SORD: variants seen among roughly 807,000 people sequenced by gnomAD.
SORD encodes (R,R)-butanediol dehydrogenase.
Under a neutral mutation model 35.6 loss-of-function variants are expected in SORD, and 18 were observed. The observed-to-expected ratio is 0.51, with a 90% CI of 0.35 to 0.75. The LOEUF (loss-of-function observed/expected upper bound fraction) is 0.75, where lower values mean the gene tolerates loss of function less well. Among genes scored for constraint, SORD ranks in the 30% least tolerant of loss-of-function variants. The pLI, the probability that SORD is intolerant of heterozygous loss-of-function variation, is 0.01. For missense variants in SORD, 250 were observed against 390.2 expected (o/e 0.64, Z 3.03); for synonymous variants, 106 against 152.9 (o/e 0.69, Z 2.26).
intron 1 of SORD, among the ~76,000 whole-genome samples, chr15:45,024,341 G>A (rs965093853): frequency 6.6e-6 from 1 of 152,180 alleles, no homozygotes; most frequent in African/African-American, 2.4e-5. Flanking sequence ...TTAAGAATCT[G>A]TGGTGTCCCC....
At chr15:45,060,639 A>G (rs1268036589) in intron 3 of SORD, among the ~76,000 whole-genome samples, 1 of 152,252 alleles carries the variant, frequency 6.6e-6, no homozygotes, top group Non-Finnish European at 1.5e-5. Flanking sequence ...AAACAGATGA[A>G]GAAAAAATGC....
intron 2 of SORD, among the ~76,000 whole-genome samples, chr15:45,040,679 C>T (rs148334067): frequency 0.011 from 1,711 of 152,220 alleles, 28 homozygotes; most frequent in African/African-American, 0.039. Flanking sequence ...GAAAAATTAC[C>T]GTACCAGACT....
intron 1 of SORD, among the ~76,000 whole-genome samples, chr15:45,029,694 T>C (rs1892740332): frequency 6.6e-6 from 1 of 152,278 alleles, no homozygotes; most frequent in Non-Finnish European, 1.5e-5. Context: ...TGGTGGGCCC[T>C]GAGCTCTTGT....
At chr15:45,033,739 G>A (rs1892818174) in intron 1 of SORD, among the ~76,000 whole-genome samples, 1 of 145,296 alleles carries the variant, frequency 6.9e-6, no homozygotes, top group South Asian at 2.3e-4. Flanking sequence ...TCCTTGTAAG[G>A]TGAGAACAGG....
At chr15:45,023,490 C>A (rs1892622411) in intron 1 of SORD, 141 bp downstream of exon 1, 1 of 679,934 alleles carries the variant, frequency 1.5e-6, no homozygotes, top group Admixed American at 4.1e-5. Flanking sequence ...CCAGCTGGTT[C>A]CCCTCGGGGT....
At chr15:45,024,902 C>T (rs1892646644) in intron 1 of SORD, among the ~76,000 whole-genome samples, 1 of 152,222 alleles carries the variant, frequency 6.6e-6, no homozygotes. Context: ...GGGAGGGGCC[C>T]TTGGCCCTCT....
chr15:45,056,688 G>T (rs1440245481), intron 3 of SORD, among the ~76,000 whole-genome samples: 2 of 152,172 alleles, frequency 1.3e-5, no homozygotes, highest in Non-Finnish European at 2.9e-5. Context: ...GGCCATTATG[G>T]GGATGTGGAA....
intron 1 of SORD, among the ~76,000 whole-genome samples, chr15:45,028,684 T>C (rs1031379345): frequency 2.7e-5 from 4 of 150,350 alleles, no homozygotes; most frequent in Non-Finnish European, 2.9e-5. Context: ...AGTTTAAACA[T>C]TACTCGGAGG....
chr15:45,070,874 C>G (rs142767969), intron 7 of SORD: 1 of 149,708 alleles, frequency 6.7e-6, no homozygotes, highest in East Asian at 1.9e-4. Context: ...CCACTGTTGA[C>G]GGTGGGGGCC....
intron 3 of SORD, among the ~76,000 whole-genome samples, chr15:45,057,971 C>T (rs1280721123): frequency 1.3e-5 from 2 of 152,180 alleles, no homozygotes; most frequent in African/African-American, 4.8e-5. Context: ...TGAATTCTCC[C>T]TGTTTCTAGG....
chr15:45,054,796 T>G (rs1566962076), intron 3 of SORD, among the ~76,000 whole-genome samples: 1 of 151,006 alleles, frequency 6.6e-6, no homozygotes, highest in Non-Finnish European at 1.5e-5. Context: ...GTTTAAGTCT[T>G]TAATCCATCT....
At chr15:45,051,531 C>T (rs953838028) in intron 3 of SORD, among the ~76,000 whole-genome samples, 13 of 152,282 alleles carry the variant, frequency 8.5e-5, no homozygotes, top group Admixed American at 5.2e-4. Context: ...AGTACAATTA[C>T]GGATTACTAT....
chr15:45,030,237 G>T (rs1159626532), intron 1 of SORD, among the ~76,000 whole-genome samples: 1 of 152,226 alleles, frequency 6.6e-6, no homozygotes, highest in Non-Finnish European at 1.5e-5. Context: ...AGGAGAAGAA[G>T]CAAGCAATAT....
At chr15:45,029,443 C>CAGCT (rs1177936336) in intron 1 of SORD, among the ~76,000 whole-genome samples, 1 of 151,554 alleles carries the variant, frequency 6.6e-6, no homozygotes, top group Non-Finnish European at 1.5e-5. Context: ...GTGCGGGATC[C>CAGCT]AGCCAGCTGC....
At chr15:45,051,522 G>T (rs1469448795) in intron 3 of SORD, among the ~76,000 whole-genome samples, 1 of 152,146 alleles carries the variant, frequency 6.6e-6, no homozygotes, top group Non-Finnish European at 1.5e-5. Flanking sequence ...ATATTATGAA[G>T]TACAATTACG....
chr15:45,030,823 ACAGGG>A (rs1892768729), intron 1 of SORD, among the ~76,000 whole-genome samples: 1 of 88,396 alleles, frequency 1.1e-5, no homozygotes, highest in East Asian at 5.3e-4. Flanking sequence ...CCTGGTGAGG[ACAGGG>A]GAGGCTTCTT....
intron 3 of SORD, among the ~76,000 whole-genome samples, chr15:45,056,936 T>C (rs1001061458): frequency 6.6e-6 from 1 of 152,234 alleles, no homozygotes; most frequent in African/African-American, 2.4e-5. Flanking sequence ...AATTATCCCA[T>C]GGATCCCACG....
chr15:45,026,132 A>T (rs1029072050), intron 1 of SORD, among the ~76,000 whole-genome samples: 6 of 152,214 alleles, frequency 3.9e-5, no homozygotes, highest in African/African-American at 1.4e-4. Context: ...CTTCTCAGGC[A>T]TGGTCTTCCA....
intron 7 of SORD, among the ~76,000 whole-genome samples, 172 bp downstream of exon 7, chr15:45,069,224 T>G (rs1893467447): frequency 7.8e-6 from 1 of 128,884 alleles, no homozygotes; most frequent in Non-Finnish European, 1.5e-5. Context: ...TTTTTTTTTT[T>G]GAGACAGAGT....
Sources: allele counts gnomAD v4.1 joint callset (sites outside exome capture counted in the v4.1 genomes callset), GRCh38; gene constraint gnomAD v4.1.1; transcripts MANE v1.5; gene names NCBI Gene and HGNC (gene_info 2026-07-23, HGNC 2026-07-21).